The following GNG7 variants were observed in gnomAD, a reference collection of about 807,000 sequenced individuals.
GNG7 encodes the protein G protein subunit gamma 7.
Under a neutral mutation model 4.0 loss-of-function variants are expected in GNG7, and 1 was observed. The ratio of observed to expected loss-of-function variants is 0.25; its 90% CI spans 0.09 to 1.18. The LOEUF is 1.18. Among genes scored for constraint, GNG7 ranks in the 50% most tolerant of loss-of-function variants. The pLI is 0.50. For synonymous variants in GNG7, 34 were observed against 36.9 expected, an observed-to-expected ratio of 0.92 and a Z score of 0.29; for missense variants, 86 against 91.9, an observed-to-expected ratio of 0.94 and a Z score of 0.26.
At position 2,619,253 on chromosome 19, in the gene GNG7, C is replaced by A. The variant is rs144251214; in HGVS notation, c.-78+26971G>T. On this transcript the variant is annotated intron_variant, in intron 2 of 4. Coordinates refer to ENST00000382159, the MANE Select transcript of GNG7 (RefSeq NM_052847.3). ...GGTTAGCTAACTACGGCCCCTGGACCACATCTAGCTGACTGTGTGTTTTTG... is the reference window on the plus strand; with the variant it reads ...GGTTAGCTAACTACGGCCCCTGGACAACATCTAGCTGACTGTGTGTTTTTG... 2.9e-3 allele frequency among the ~76,000 whole-genome samples: 443 copies of A among 152,266 alleles called. 2 individuals carry two copies. Among genetic ancestry groups the A allele is most frequent in the African/African-American group, 0.01 (422 of 41,556 alleles).
chr19:2,535,261 G>A (rs7250842), intron 3 of GNG7, among the ~76,000 whole-genome samples: 52,075 of 150,372 alleles, frequency 0.35, 9,374 homozygotes, highest in East Asian at 0.51. Context: ...GGCTGAGGCA[G>A]GAGGATCACT....
chr19:2,524,001 C>A (rs946293828), intron 3 of GNG7, among the ~76,000 whole-genome samples: 1 of 152,188 alleles, frequency 6.6e-6, no homozygotes. Flanking sequence ...CACAAAACAT[C>A]CAACTCAGGG....
At chr19:2,570,687 G>A (rs1317031153) in intron 2 of GNG7, among the ~76,000 whole-genome samples, 1 of 152,218 alleles carries the variant, frequency 6.6e-6, no homozygotes, top group Admixed American at 6.5e-5. Flanking sequence ...GGTACTGGAA[G>A]GTTTTCCAGG....
rs955780636 is a variant in GNG7, at chr19:2,529,893, G to C, written c.-37-9168C>G. 2.6e-5 allele frequency among the ~76,000 whole-genome samples: 4 copies of C among 152,302 alleles called. No homozygotes were observed. In the East Asian group the frequency reaches 7.7e-4, roughly 29 times the overall value. Reference sequence around the variant, plus strand: ...ACTCTGGCTCTGCTCCTGGTTTTTGGGTCTTGGCTTCCTCAGCTGGAAGAT... The same window carrying C: ...ACTCTGGCTCTGCTCCTGGTTTTTGCGTCTTGGCTTCCTCAGCTGGAAGAT... On this transcript the variant is annotated intron_variant, in intron 3 of 4. Coordinates refer to ENST00000382159, the MANE Select transcript of GNG7 (RefSeq NM_052847.3).
At chr19:2,587,707 C>T (rs528117526) in intron 2 of GNG7, among the ~76,000 whole-genome samples, 25 of 152,098 alleles carry the variant, frequency 1.6e-4, no homozygotes, top group Admixed American at 7.9e-4. Flanking sequence ...GGGAGGGGGA[C>T]GCTGTCTCAG....
intron 1 of GNG7, among the ~76,000 whole-genome samples, chr19:2,675,480 C>A (rs1407129808): frequency 1.3e-5 from 2 of 152,090 alleles, no homozygotes; most frequent in African/African-American, 4.8e-5. Context: ...GGTAAAGAAG[C>A]AGGGAGCGTT....
At chr19:2,548,492 A>AC (rs1462534859) in intron 3 of GNG7, among the ~76,000 whole-genome samples, 3 of 147,626 alleles carry the variant, frequency 2.0e-5, no homozygotes, top group Non-Finnish European at 3.0e-5. Flanking sequence ...AAAAAAAAAA[A>AC]AAAAAAAAAA....
chr19:2,644,765 C>T (rs1254575347), intron 2 of GNG7, among the ~76,000 whole-genome samples: 1 of 152,138 alleles, frequency 6.6e-6, no homozygotes, highest in Admixed American at 6.5e-5. Context: ...GCGTGACGTC[C>T]TCAAGGTACA....
At chr19:2,571,957 C>A (rs1005768008) in intron 2 of GNG7, among the ~76,000 whole-genome samples, 4 of 152,042 alleles carry the variant, frequency 2.6e-5, no homozygotes, top group African/African-American at 9.7e-5. Flanking sequence ...GTCCCATTGG[C>A]CTATTTGTCT....
chr19:2,551,032 AATCCCCACGGCACG>A (rs1979301287), intron 3 of GNG7, among the ~76,000 whole-genome samples: 1 of 152,208 alleles, frequency 6.6e-6, no homozygotes, highest in Non-Finnish European at 1.5e-5. Flanking sequence ...ATAGGGACCT[AATCCCCACGGCACG>A]TGGCCACATG....
At chr19:2,616,552 G>A (rs1417734143) in intron 2 of GNG7, among the ~76,000 whole-genome samples, 2 of 152,120 alleles carry the variant, frequency 1.3e-5, no homozygotes, top group Non-Finnish European at 2.9e-5. Context: ...CAAAGCGAGC[G>A]GATCACCTCA....
intron 2 of GNG7, among the ~76,000 whole-genome samples, chr19:2,578,419 T>G (rs1449670470): frequency 6.6e-6 from 1 of 152,198 alleles, no homozygotes; most frequent in African/African-American, 2.4e-5. Flanking sequence ...TCCTGAATGC[T>G]TGCTCCGATC....
At position 2,646,255 on chromosome 19, in the gene GNG7, G is replaced by A. The variant is rs975457630; in HGVS notation, c.-109C>T. The A allele has an allele frequency of 2.2e-4, 33 of 152,216 alleles. No homozygotes were observed. The highest frequency in any genetic ancestry group is 7.0e-4 in the African/African-American group (29 of 41,436). The allele number at this position is 152,216 out of a possible 1,614,324, so 9.4% of individuals were successfully genotyped here. On this transcript the variant is annotated 5_prime_UTR_variant, in exon 2 of 5. Coordinates refer to ENST00000382159, the MANE Select transcript of GNG7 (RefSeq NM_052847.3). ...AGGAGGTCTCGCCGTCTGCAGCACC[G>A]AGATCCCGAAACCAAGCTCCACTCC...
intron 2 of GNG7, among the ~76,000 whole-genome samples, chr19:2,556,878 C>T (rs113891358): frequency 7.9e-5 from 12 of 152,262 alleles, no homozygotes; most frequent in African/African-American, 2.9e-4. Flanking sequence ...CCAGGAGCAC[C>T]CCCCAGATGT....
chr19:2,658,289 C>A, intron 1 of GNG7, among the ~76,000 whole-genome samples: 1 of 152,046 alleles, frequency 6.6e-6, no homozygotes, highest in African/African-American at 2.4e-5. Flanking sequence ...TGCAAAGGGA[C>A]AAAAAGTAAG....
chr19:2,553,414 T>C (rs933674418), intron 3 of GNG7, among the ~76,000 whole-genome samples: 26 of 135,210 alleles, frequency 1.9e-4, no homozygotes, highest in African/African-American at 7.3e-4. Context: ...ATATGTAATA[T>C]ACATTTTATA....
At chr19:2,685,429 G>C (rs1371749066) in intron 1 of GNG7, among the ~76,000 whole-genome samples, 1 of 152,162 alleles carries the variant, frequency 6.6e-6, no homozygotes, top group African/African-American at 2.4e-5. Context: ...TTGGAGACCA[G>C]CCTGGCCAAT....
intron 3 of GNG7, among the ~76,000 whole-genome samples, chr19:2,551,914 A>G (rs982309834): frequency 1.3e-5 from 2 of 151,910 alleles, no homozygotes; most frequent in Admixed American, 1.3e-4. Context: ...CGAGCTTCTG[A>G]CCTCAGGCGA....
rs71178300 is a variant in GNG7 at position 2,606,664 on chromosome 19, ATAAT to A, written c.-78+39556_-78+39559del. ...GAGTGAAACTCTGTCTCAAAAAAAA[ATAAT>A]TAATTAATTAATTAATTAATTAATT... is the stretch of plus-strand genomic sequence containing the variant. On this transcript the variant is annotated intron_variant, in intron 2 of 4. Coordinates refer to ENST00000382159, the MANE Select transcript of GNG7 (RefSeq NM_052847.3). Among the ~76,000 whole-genome samples the A allele has an allele frequency of 2.0e-3, 281 of 143,238 alleles. 2 individuals are homozygous for A. Among genetic ancestry groups the A allele is most frequent in the East Asian group, 0.016 (82 of 5,008 alleles). 94.0% of individuals were successfully genotyped at this position (143,238 alleles called of 152,430 possible). A position where few individuals can be genotyped will look rare whatever the true frequency, so the allele number is the denominator to read the frequency against.
Sources: gnomAD v4.1 joint callset for allele counts (sites outside exome capture counted in the v4.1 genomes callset) on GRCh38, gnomAD v4.1.1 for gene constraint, MANE v1.5 for transcripts, NCBI Gene and HGNC (gene_info 2026-07-23, HGNC 2026-07-21) for gene names.